Variants in TDRD6 observed in about 807,000 individuals in gnomAD.
The protein encoded by TDRD6 is tudor domain containing 6.
Under a neutral mutation model 157.5 loss-of-function variants are expected in TDRD6, and 186 were observed. That is an observed-to-expected ratio of 1.18 (90% CI 1.05 to 1.33). The LOEUF (loss-of-function observed/expected upper bound fraction) is 1.33, where lower values mean the gene tolerates loss of function less well. Among genes scored for constraint, TDRD6 ranks in the 40% most tolerant of loss-of-function variants. The probability of loss-of-function intolerance (pLI) is 0.00; values close to 1 mark genes in which losing one functional copy is unlikely to be tolerated. For synonymous variants in TDRD6, 1,075 were observed against 945.2 expected (o/e 1.14, Z -2.52); for missense variants, 3,066 against 2,508.0 (o/e 1.22, Z -4.75).
At position 46,702,159 on chromosome 6, in the gene TDRD6, A is replaced by G. The variant is rs534439855; in HGVS notation, c.*272A>G. On this transcript the variant is annotated 3_prime_UTR_variant, in exon 4 of 4. Transcript: ENST00000316081. ...GTTGGGAGGATTTATTTTGCTAAAC[A>G]GTTTACTAACACATTACATTTCAAA... 1.3e-5 allele frequency: 4 copies of G among 310,318 alleles called. 1 individual carries two copies. Among genetic ancestry groups the G allele is most frequent in the African/African-American group, 6.5e-5 (3 of 46,468 alleles). 19.2% of individuals were successfully genotyped at this position (310,318 alleles called of 1,614,324 possible). A position where few individuals can be genotyped will look rare whatever the true frequency, so the allele number is the denominator to read the frequency against.
In TDRD6 at chr6:46,693,371, A is replaced by T; in HGVS notation, c.5243A>T (p.Asp1748Val). ...QNKIYMEQQT[D>V]ELAEITEKDV... ...AAAATATATATGGAACAACAGACAG[A>T]TGAGCTTGCTGAAATAACTGAAAAA... The change falls in exon 1 of 4, where the codon GAT becomes GTT. Residue 1748 changes from aspartate (D) to valine (V), a missense_variant. Physicochemically the swap from Asp to Val is radical, Grantham distance 152. Transcript: ENST00000316081. 6.2e-7 allele frequency: 1 copy of T among 1,612,240 alleles called. No individual in the cohort carries two copies. Among genetic ancestry groups the T allele is most frequent in the Non-Finnish European group, 8.5e-7 (1 of 1,179,578 alleles).
In TDRD6 at chr6:46,693,667, G is replaced by A. The variant is rs764696875; in HGVS notation, c.5539G>A (p.Glu1847Lys). The A allele has an allele frequency of 2.1e-5, 34 of 1,614,172 alleles. No individual in the cohort carries two copies. The highest frequency in any genetic ancestry group is 2.9e-5 in the Non-Finnish European group (34 of 1,180,026). Reference protein sequence around the residue: ...VPLSPDDESKEFLELESIELQ... With the variant: ...VPLSPDDESKKFLELESIELQ... ...GCTTTCTCCTGATGATGAATCAAAAGAATTCTTAGAACTGGAATCTATTGA... is the reference window on the plus strand; with the variant it reads ...GCTTTCTCCTGATGATGAATCAAAAAAATTCTTAGAACTGGAATCTATTGA... The change falls in exon 1 of 4, where the codon GAA becomes AAA. Residue 1847 changes from glutamate (E) to lysine (K), a missense_variant. Physicochemically the swap from Glu to Lys is moderately conservative, Grantham distance 56 (BLOSUM62 1). Coordinates refer to ENST00000316081, the MANE Select transcript of TDRD6 (RefSeq NM_001010870.3).
In TDRD6 at chr6:46,688,298, G is replaced by C; in HGVS notation, c.170G>C (p.Arg57Pro). ...SREIQEAAAT[R>P]GQWALGSASA... The stretch of plus-strand genomic sequence containing the variant: ...GAAATCCAGGAAGCGGCGGCCACGC[G>C]CGGCCAGTGGGCGCTGGGCAGCGCC... Residue 57 changes from arginine to proline, a missense_variant, in exon 1 of 4, where the codon CGC (arginine) becomes CCC (proline). By Grantham distance (103) the Arg-to-Pro change is moderately radical (BLOSUM62 -2). Transcript: ENST00000316081. 4 of 1,501,624 alleles carry C rather than the reference G, an allele frequency of 2.7e-6. No individual in the cohort carries two copies. Among genetic ancestry groups the C allele is most frequent in the Non-Finnish European group, 3.5e-6 (4 of 1,133,088 alleles). The allele number at this position is 1,501,624 out of a possible 1,614,324, so 93.0% of individuals were successfully genotyped here. A position where few individuals can be genotyped will look rare whatever the true frequency, so the allele number is the denominator to read the frequency against.
chr6:46,699,140 C>A (rs1391353166), intron 3 of TDRD6, among the ~76,000 whole-genome samples: 1 of 152,140 alleles, frequency 6.6e-6, no homozygotes, highest in Non-Finnish European at 1.5e-5. Context: ...CAACTCCTTT[C>A]CTCTCTGAGA....
chr6:46,698,620 G>C (rs1352994776), intron 3 of TDRD6, among the ~76,000 whole-genome samples: 1 of 152,150 alleles, frequency 6.6e-6, no homozygotes, highest in Non-Finnish European at 1.5e-5. Context: ...TATCCTGTTT[G>C]GGGTTGGTTG....
chr6:46,689,316 G>T lies in TDRD6; in HGVS notation c.1188G>T (p.Leu396=), dbSNP rs764256361. 5 of 1,614,204 alleles carry T rather than the reference G, an allele frequency of 3.1e-6. No individual in the cohort carries two copies. The highest frequency in any genetic ancestry group is 4.2e-6 in the Non-Finnish European group (5 of 1,180,042). ...RGWSRSQVGD[L]KTLILGKAVN... ...GGTCTCGGTCACAGGTCGGTGACCTGAAGACACTGATACTAGGCAAGGCAG... is the reference window on the plus strand; with the variant it reads ...GGTCTCGGTCACAGGTCGGTGACCTTAAGACACTGATACTAGGCAAGGCAG... Residue 396 remains leucine (L), a synonymous_variant, in exon 1 of 4, where the codon CTG becomes CTT. Transcript: ENST00000316081.
In TDRD6 at chr6:46,702,370, G is replaced by A. The variant is rs1764645942; in HGVS notation, c.*483G>A. The A allele has an allele frequency of 1.3e-5, 2 of 152,068 alleles. No homozygotes were observed. The highest frequency in any genetic ancestry group is 2.1e-4 in the South Asian group (1 of 4,826). The allele number at this position is 152,068 out of a possible 1,614,324, so 9.4% of individuals were successfully genotyped here. The stretch of plus-strand genomic sequence containing the variant: ...TTGACTAACATTCTGTTTGAATTTG[G>A]AAGTATTCTAATACAAGATTTGAAT... On this transcript the variant is annotated 3_prime_UTR_variant, in exon 4 of 4. Coordinates refer to ENST00000316081, the MANE Select transcript of TDRD6 (RefSeq NM_001010870.3).
chr6:46,697,946 T>A, intron 2 of TDRD6, 52 bp from the exon 3 acceptor site: 2 of 986,604 alleles, frequency 2.0e-6, no homozygotes, highest in Non-Finnish European at 3.1e-6. Flanking sequence ...GGTACATAAA[T>A]CAGTTATTTT....
chr6:46,689,360 T>C lies in TDRD6; in HGVS notation c.1232T>C (p.Phe411Ser). 1 of 1,614,082 alleles carries C rather than the reference T, an allele frequency of 6.2e-7. No homozygotes were observed. The highest frequency in any genetic ancestry group is 8.5e-7 in the Non-Finnish European group (1 of 1,180,016). Reference protein sequence around the residue: ...LGKAVNAKIEFYCSFEHVYYV... With the variant: ...LGKAVNAKIESYCSFEHVYYV... Reference sequence around the variant, plus strand: ...AAGGCAGTGAATGCAAAGATTGAATTTTATTGCTCCTTTGAGCATGTGTAT... The same window carrying C: ...AAGGCAGTGAATGCAAAGATTGAATCTTATTGCTCCTTTGAGCATGTGTAT... The change falls in exon 1 of 4, where the codon TTT (phenylalanine) becomes TCT (serine). Residue 411 changes from phenylalanine (F) to serine (S), a missense_variant. Transcript: ENST00000316081.
rs772605054 is a variant in TDRD6, at chr6:46,701,910, A to T, written c.*23A>T. The T allele has an allele frequency of 1.2e-6, 2 of 1,610,844 alleles. No individual in the cohort carries two copies. The highest frequency in any genetic ancestry group is 1.7e-4 in the Middle Eastern group (1 of 6,050). The stretch of plus-strand genomic sequence containing the variant: ...TAACCGTGGATCTATAGCTGTGGCC[A>T]ATCAGTCAGAAGCTGCCCTTGAACA... On this transcript the variant is annotated 3_prime_UTR_variant, in exon 4 of 4. Transcript: ENST00000316081.
rs750983672 is a variant in TDRD6, at chr6:46,688,924, C to G, written c.796C>G (p.His266Asp). 6.2e-6 allele frequency: 10 copies of G among 1,609,168 alleles called. No individual in the cohort carries two copies. The highest frequency in any genetic ancestry group is 7.6e-6 in the Non-Finnish European group (9 of 1,176,914). ...ITQVCHPHRIHCQLRSVSQEI... is the reference protein window; with the variant it reads ...ITQVCHPHRIDCQLRSVSQEI... ...CCAAGTGTGCCATCCCCACCGCATT[C>G]ACTGCCAGCTCCGCAGCGTCTCGCA... The change falls in exon 1 of 4, where the codon CAC (histidine) becomes GAC (aspartate). Residue 266 changes from histidine (H) to aspartate (D), a missense_variant. Coordinates refer to ENST00000316081, the MANE Select transcript of TDRD6 (RefSeq NM_001010870.3).
In TDRD6 at chr6:46,702,160, G is replaced by A. The variant is rs1764642159; in HGVS notation, c.*273G>A. The stretch of plus-strand genomic sequence containing the variant: ...TTGGGAGGATTTATTTTGCTAAACA[G>A]TTTACTAACACATTACATTTCAAAA... On this transcript the variant is annotated 3_prime_UTR_variant, in exon 4 of 4. Transcript: ENST00000316081. 3.3e-6 allele frequency: 1 copy of A among 302,170 alleles called. No individual in the cohort carries two copies. Among genetic ancestry groups the A allele is most frequent in the Admixed American group, 4.9e-5 (1 of 20,340 alleles). 18.7% of individuals were successfully genotyped at this position (302,170 alleles called of 1,614,324 possible). A position where few individuals can be genotyped will look rare whatever the true frequency, so the allele number is the denominator to read the frequency against.
chr6:46,693,518 T>TA lies in TDRD6; in HGVS notation c.5391dup (p.Glu1798ArgfsTer6), dbSNP rs1260927650. 1.9e-6 allele frequency: 3 copies of TA among 1,613,724 alleles called. No homozygotes were observed. In the African/African-American group the frequency reaches 4.0e-5, roughly 22 times the overall value. On this transcript the variant is annotated frameshift_variant, in exon 1 of 4. Coordinates refer to ENST00000316081, the MANE Select transcript of TDRD6 (RefSeq NM_001010870.3). LOFTEE classifies it high-confidence loss of function. ...GATACTGAGGAACTGGAAGGTGAAT[T>TA]AGAGTGCCATCTGGTTGACAAAGCA...
At position 46,691,184 on chromosome 6, in the gene TDRD6, T is replaced by C. The variant is rs961437646; in HGVS notation, c.3056T>C (p.Ile1019Thr). 4.2e-5 allele frequency: 67 copies of C among 1,613,242 alleles called. No individual in the cohort carries two copies. Among genetic ancestry groups the C allele is most frequent in the Non-Finnish European group, 5.6e-5 (66 of 1,179,716 alleles). Residue 1019 changes from isoleucine to threonine, a missense_variant, in exon 1 of 4, where the codon ATT becomes ACT. Coordinates refer to ENST00000316081, the MANE Select transcript of TDRD6 (RefSeq NM_001010870.3). Reference protein sequence around the residue: ...ANILEQLSCSITQLSKVLLNL... With the variant: ...ANILEQLSCSTTQLSKVLLNL... ...ATTTTAGAACAGTTGTCATGTAGTATTACACAATTAAGTAAAGTTTTGCTG... is the reference window on the plus strand; with the variant it reads ...ATTTTAGAACAGTTGTCATGTAGTACTACACAATTAAGTAAAGTTTTGCTG...
chr6:46,681,528 C>T, the TDRD6 span: 1 of 470,956 alleles, frequency 2.1e-6, no homozygotes, highest in Non-Finnish European at 4.4e-6. Flanking sequence ...CCCCAACAGG[C>T]TGCTGTGATT....
At chr6:46,685,881 T>C (rs746025402), upstream of TDRD6, among the ~76,000 whole-genome samples, 1 of 152,186 alleles carries the variant, frequency 6.6e-6, no homozygotes, top group Non-Finnish European at 1.5e-5. Context: ...TAATATAGTA[T>C]GGGAGATATA....
chr6:46,690,200 T>A lies in TDRD6; in HGVS notation c.2072T>A (p.Phe691Tyr). The A allele has an allele frequency of 6.2e-7, 1 of 1,613,868 alleles. No individual in the cohort carries two copies. Among genetic ancestry groups the A allele is most frequent in the Non-Finnish European group, 8.5e-7 (1 of 1,180,026 alleles). The change falls in exon 1 of 4, where the codon TTT becomes TAT. Residue 691 changes from phenylalanine (F) to tyrosine (Y), a missense_variant. Phe to Tyr is a conservative substitution (Grantham distance 22). Transcript: ENST00000316081. ...TCCCCAGGGCATGTTTCAAACCACT[T>A]TACTACGGAGAGTAACAAAATACCT... ...AHSPGHVSNH[F>Y]TTESNKIPFA...
intron 1 of TDRD6, among the ~76,000 whole-genome samples, chr6:46,694,873 A>G (rs1764453370): frequency 6.6e-6 from 1 of 152,210 alleles, no homozygotes; most frequent in Non-Finnish European, 1.5e-5. Flanking sequence ...TTATTTCAAC[A>G]GGGTCTTTTA....
At chr6:46,697,952 A>G (rs777574435) in intron 2 of TDRD6, 46 bp from the exon 3 acceptor site, 1 of 1,114,810 alleles carries the variant, frequency 9.0e-7, no homozygotes, top group Non-Finnish European at 1.3e-6. Flanking sequence ...TAAATCAGTT[A>G]TTTTTTTGAA....
Sources: gnomAD v4.1 joint callset for allele counts (sites outside exome capture counted in the v4.1 genomes callset) on GRCh38, gnomAD v4.1.1 for gene constraint, MANE v1.5 for transcripts, NCBI Gene and HGNC (gene_info 2026-07-23, HGNC 2026-07-21) for gene names.